Variants in RBMS3 observed in about 807,000 individuals in gnomAD.
RBMS3 encodes RNA-binding motif, single-stranded-interacting protein 3.
A neutral mutation model predicts 66.8 loss-of-function variants in RBMS3; 27 were observed. The observed-to-expected ratio is 0.40, with a 90% CI of 0.30 to 0.56. The LOEUF is 0.56. Among genes scored for constraint, RBMS3 ranks in the 20% least tolerant of loss-of-function variants. The pLI is 0.40. For missense variants in RBMS3, 513 were observed against 549.5 expected, an observed-to-expected ratio of 0.93 and a Z score of 0.66; for synonymous variants, 188 against 183.0, an observed-to-expected ratio of 1.03 and a Z score of -0.22.
At chr3:29,656,777 T>C (rs2050341969) in intron 4 of RBMS3, among the ~76,000 whole-genome samples, 1 of 152,138 alleles carries the variant, frequency 6.6e-6, no homozygotes, top group Admixed American at 6.5e-5. Flanking sequence ...CAAATTGTCT[T>C]TTTAATCACT....
At chr3:29,704,132 A>T (rs2052762897) in intron 4 of RBMS3, among the ~76,000 whole-genome samples, 1 of 152,184 alleles carries the variant, frequency 6.6e-6, no homozygotes, top group Admixed American at 6.5e-5. Context: ...TCATATAATT[A>T]TTTTATTATA....
At chr3:29,580,713 G>A (rs1044103498) in intron 3 of RBMS3, among the ~76,000 whole-genome samples, 2 of 148,990 alleles carry the variant, frequency 1.3e-5, no homozygotes, top group Non-Finnish European at 3.0e-5. Context: ...AATAATAAAA[G>A]GAAGATCTCA....
chr3:29,336,238 G>A (rs919353311), intron 1 of RBMS3, among the ~76,000 whole-genome samples: 4 of 152,084 alleles, frequency 2.6e-5, no homozygotes, highest in African/African-American at 9.7e-5. Context: ...ATTTTCATAG[G>A]CTTAGGAGTG....
At chr3:29,487,564 G>C (rs1280023970) in intron 2 of RBMS3, among the ~76,000 whole-genome samples, 1 of 151,990 alleles carries the variant, frequency 6.6e-6, no homozygotes, top group Non-Finnish European at 1.5e-5. Context: ...AGAATGCCGA[G>C]GGCTGGAGAC....
chr3:29,450,348 T>G (rs2041973135), intron 2 of RBMS3, among the ~76,000 whole-genome samples: 1 of 152,170 alleles, frequency 6.6e-6, no homozygotes, highest in African/African-American at 2.4e-5. Flanking sequence ...CCTGCCTAAG[T>G]TTCAGTTGCC....
chr3:29,539,054 G>T (rs1409705665), intron 3 of RBMS3, among the ~76,000 whole-genome samples: 1 of 152,080 alleles, frequency 6.6e-6, no homozygotes, highest in African/African-American at 2.4e-5. Flanking sequence ...CATATACAAA[G>T]AATGAATATA....
chr3:29,494,132 T>C (rs972073681), intron 3 of RBMS3, among the ~76,000 whole-genome samples: 2 of 152,234 alleles, frequency 1.3e-5, no homozygotes, highest in Non-Finnish European at 2.9e-5. Context: ...AGTTAGTCTT[T>C]ACCAAGGTAT....
intron 12 of RBMS3, among the ~76,000 whole-genome samples, chr3:29,959,197 C>T (rs1406823306): frequency 6.6e-6 from 1 of 152,206 alleles, no homozygotes; most frequent in African/African-American, 2.4e-5. Context: ...AATGACAATA[C>T]TCACAGAGAT....
intron 13 of RBMS3, 75 bp downstream of exon 13, chr3:29,988,298 C>A: frequency 8.0e-7 from 1 of 1,244,508 alleles, no homozygotes; most frequent in Non-Finnish European, 1.1e-6. Flanking sequence ...CCCCCATAAC[C>A]ATAGGAATCC....
chr3:29,551,622 C>T (rs1317249994), intron 3 of RBMS3, among the ~76,000 whole-genome samples: 1 of 152,164 alleles, frequency 6.6e-6, no homozygotes, highest in Non-Finnish European at 1.5e-5. Context: ...GTTTTCATTA[C>T]AGGACATATG....
intron 1 of RBMS3, among the ~76,000 whole-genome samples, chr3:29,420,920 C>G (rs1322481475): frequency 1.4e-5 from 2 of 144,682 alleles, no homozygotes; most frequent in South Asian, 2.2e-4. Flanking sequence ...CTGGCTAACA[C>G]GGTGAAACCC....
At chr3:29,566,813 T>C (rs759384837) in intron 3 of RBMS3, among the ~76,000 whole-genome samples, 1 of 152,090 alleles carries the variant, frequency 6.6e-6, no homozygotes, top group Non-Finnish European at 1.5e-5. Flanking sequence ...AAGAGTTCTG[T>C]ATCTTGATCG....
At chr3:29,740,486 T>A (rs1037720694) in intron 5 of RBMS3, among the ~76,000 whole-genome samples, 2 of 151,954 alleles carry the variant, frequency 1.3e-5, no homozygotes, top group Admixed American at 1.3e-4. Flanking sequence ...AAAGGAAGAG[T>A]AATTTTCATT....
At chr3:29,464,031 A>G (rs762336145) in intron 2 of RBMS3, among the ~76,000 whole-genome samples, 4 of 152,124 alleles carry the variant, frequency 2.6e-5, no homozygotes, top group Non-Finnish European at 4.4e-5. Context: ...TACACAATGC[A>G]TAATTGAGGT....
chr3:29,733,342 C>T (rs75735038), intron 4 of RBMS3, among the ~76,000 whole-genome samples: 4,245 of 149,786 alleles, frequency 0.028, 83 homozygotes, highest in Admixed American at 0.064. Context: ...TGGAGGTGCA[C>T]GTATCTTTTT....
At chr3:29,358,449 C>A (rs1253319772) in intron 1 of RBMS3, among the ~76,000 whole-genome samples, 1 of 152,118 alleles carries the variant, frequency 6.6e-6, no homozygotes, top group Non-Finnish European at 1.5e-5. Context: ...GTTACTGTAA[C>A]CTCGTAGTAT....
At position 29,698,642 on chromosome 3, in the gene RBMS3, C is replaced by T. The variant is rs1398645117; in HGVS notation, c.400-41078C>T. On this transcript the variant is annotated intron_variant, in intron 4 of 14. Coordinates refer to ENST00000383767, the MANE Select transcript of RBMS3 (RefSeq NM_001003793.3). ...AAGTGAGTACAATCATATATTGTTA[C>T]CATCTCCCAAGTCTTCTCATTTGCT... 5.1e-6 allele frequency: 5 copies of T among 981,188 alleles called. No homozygotes were observed. The East Asian group carries it at 5.7e-4, about 111-fold the overall frequency. 60.8% of individuals were successfully genotyped at this position (981,188 alleles called of 1,614,324 possible).
chr3:29,501,824 G>T lies in RBMS3; in HGVS notation c.307+13325G>T, dbSNP rs552235495. ...ATCCTAAGGGGAGGGATCATGAATG[G>T]TGTCTTTGGCTTGCTTGCCCAGGAG... is the stretch of plus-strand genomic sequence containing the variant. On this transcript the variant is annotated intron_variant, in intron 3 of 14. Transcript: ENST00000383767. 6.7e-4 allele frequency among the ~76,000 whole-genome samples: 102 copies of T among 152,220 alleles called. 1 individual carries two copies. The highest frequency in any genetic ancestry group is 2.3e-3 in the African/African-American group (96 of 41,548).
At chr3:29,322,199 T>C (rs1040627861) in intron 1 of RBMS3, among the ~76,000 whole-genome samples, 2 of 152,134 alleles carry the variant, frequency 1.3e-5, no homozygotes, top group African/African-American at 4.8e-5. Flanking sequence ...GTCTGGCTTA[T>C]TTGAGTCAAC....
Sources: gnomAD v4.1 joint callset for allele counts (sites outside exome capture counted in the v4.1 genomes callset) on GRCh38, gnomAD v4.1.1 for gene constraint, MANE v1.5 for transcripts, NCBI Gene and HGNC (gene_info 2026-07-23, HGNC 2026-07-21) for gene names.